Variants in USH2A observed in about 807,000 individuals in gnomAD.
USH2A encodes usherin, also known as Usher syndrome 2A (autosomal recessive, mild).
Under a neutral mutation model 538.9 loss-of-function variants are expected in USH2A, and 443 were observed. That is an observed-to-expected ratio of 0.82 (90% CI 0.76 to 0.89). The LOEUF (loss-of-function observed/expected upper bound fraction) is 0.89, where lower values mean the gene tolerates loss of function less well. USH2A is among the 40% of genes least tolerant of loss of function. USH2A has a pLI of 0.00. For synonymous variants in USH2A, 2,413 were observed against 2,273.5 expected (o/e 1.06, Z -1.75); for missense variants, 6,633 against 6,324.8 (o/e 1.05, Z -1.65).
At chr1:215,886,889 G>A (rs149304385) in intron 41 of USH2A, among the ~76,000 whole-genome samples, 1,868 of 151,730 alleles carry the variant, frequency 0.012, 16 homozygotes, top group Non-Finnish European at 0.021. Flanking sequence ...ATGGAGTCTC[G>A]CTCTGTCGCC....
chr1:216,287,883 T>C (rs991093283), intron 11 of USH2A, among the ~76,000 whole-genome samples: 3 of 152,180 alleles, frequency 2.0e-5, no homozygotes, highest in African/African-American at 7.2e-5. Flanking sequence ...AATCTAACTA[T>C]AAGATCAGTG....
chr1:215,965,923 T>TCTCA (rs1016685578), intron 36 of USH2A, among the ~76,000 whole-genome samples: 19 of 142,574 alleles, frequency 1.3e-4, no homozygotes, highest in Non-Finnish European at 2.3e-4. Context: ...CTCTTCTCTG[T>TCTCA]CACACACACA....
chr1:216,150,863 A>C (rs1006730563), intron 21 of USH2A, among the ~76,000 whole-genome samples: 3 of 152,110 alleles, frequency 2.0e-5, no homozygotes, highest in African/African-American at 4.8e-5. Context: ...TTTACTCTTC[A>C]TCTCCGAAGT....
intron 35 of USH2A, among the ~76,000 whole-genome samples, chr1:215,979,066 G>C (rs1667688279): frequency 6.6e-6 from 1 of 152,142 alleles, no homozygotes; most frequent in Admixed American, 6.5e-5. Context: ...AGTTCCACAT[G>C]GCTAGGGAGG....
At chr1:215,692,705 G>A (rs1414723834) in intron 61 of USH2A, among the ~76,000 whole-genome samples, 1 of 152,034 alleles carries the variant, frequency 6.6e-6, no homozygotes, top group Admixed American at 6.6e-5. Context: ...AAACTACCAG[G>A]CTATATCTAT....
chr1:215,780,004 A>T lies in USH2A; in HGVS notation c.10778T>A (p.Ile3593Asn), dbSNP rs1270442078. Residue 3593 changes from isoleucine (I) to asparagine (N), a missense_variant, in exon 55 of 72, where the codon ATC (isoleucine) becomes AAC (asparagine). Physicochemically the swap from Ile to Asn is moderately radical, Grantham distance 149. Transcript: ENST00000307340. ...TAGGGCTGTGATGCTTGGTGGCAGG[A>T]TGCTCTCCGGAACTCCTTGGGTAGT... ...AATTQGVPES[I>N]LPPSITALSA... is the part of the protein sequence containing the mutation. 6.2e-7 allele frequency: 1 copy of T among 1,614,060 alleles called. No individual in the cohort carries two copies. Among genetic ancestry groups the T allele is most frequent in the Non-Finnish European group, 8.5e-7 (1 of 1,180,010 alleles).
At chr1:216,324,035 T>A (rs2037674218) in intron 7 of USH2A, 133 bp downstream of exon 7, 6 of 979,452 alleles carry the variant, frequency 6.1e-6, no homozygotes, top group Non-Finnish European at 1.5e-6. Flanking sequence ...AATTTAGGGA[T>A]AAGACTTAGG....
chr1:215,712,808 G>A (rs1237329017), intron 61 of USH2A, among the ~76,000 whole-genome samples: 2 of 149,746 alleles, frequency 1.3e-5, no homozygotes, highest in African/African-American at 4.9e-5. Flanking sequence ...CTTTTCTTTT[G>A]TTCTTTCTTT....
intron 43 of USH2A, 52 bp from the exon 44 acceptor site, chr1:215,867,222 A>G (rs759795585): frequency 6.4e-7 from 1 of 1,570,880 alleles, no homozygotes; most frequent in Non-Finnish European, 8.7e-7. Context: ...TTTACAGAAA[A>G]TCTAACAAAT....
chr1:216,278,999 A>G (rs1327128110), intron 11 of USH2A, among the ~76,000 whole-genome samples: 2 of 152,186 alleles, frequency 1.3e-5, no homozygotes, highest in Non-Finnish European at 2.9e-5. Context: ...TCCATAGGTC[A>G]GACCTAGAAA....
At chr1:216,293,258 T>C (rs999868633) in intron 9 of USH2A, among the ~76,000 whole-genome samples, 5 of 152,158 alleles carry the variant, frequency 3.3e-5, no homozygotes, top group Admixed American at 6.5e-5. Flanking sequence ...TCTCCTGACC[T>C]CGTGTTCTGC....
At chr1:215,786,596 GAAAT>G in intron 52 of USH2A, 70 bp downstream of exon 52, 1 of 1,513,224 alleles carries the variant, frequency 6.6e-7, no homozygotes, top group South Asian at 1.1e-5. Flanking sequence ...ATGTCAGAGT[GAAAT>G]AAATCTGCAT....
intron 61 of USH2A, among the ~76,000 whole-genome samples, chr1:215,723,319 G>C (rs1227302948): frequency 6.6e-6 from 1 of 152,070 alleles, no homozygotes; most frequent in Non-Finnish European, 1.5e-5. Flanking sequence ...TGCTGTTCCT[G>C]CCAACACATA....
chr1:216,342,745 C>G (rs2038098604), intron 4 of USH2A, among the ~76,000 whole-genome samples: 3 of 152,064 alleles, frequency 2.0e-5, no homozygotes, highest in Admixed American at 2.0e-4. Context: ...AAACAGAAAA[C>G]CAAACACCAC....
chr1:216,179,533 T>G (rs2034452327), intron 20 of USH2A, among the ~76,000 whole-genome samples: 1 of 152,062 alleles, frequency 6.6e-6, no homozygotes, highest in Non-Finnish European at 1.5e-5. Context: ...CAAAAAACAT[T>G]CCAGTAGGTG....
At chr1:216,287,189 A>G (rs1265005282) in intron 11 of USH2A, among the ~76,000 whole-genome samples, 1 of 152,198 alleles carries the variant, frequency 6.6e-6, no homozygotes, top group East Asian at 1.9e-4. Flanking sequence ...CAAACTAAAG[A>G]AAAAAAGATC....
intron 55 of USH2A, among the ~76,000 whole-genome samples, chr1:215,769,745 T>G (rs1033713699): frequency 1.3e-5 from 2 of 152,150 alleles, no homozygotes; most frequent in Non-Finnish European, 2.9e-5. Context: ...GACTCAGCAC[T>G]GAGCAGAAAA....
chr1:216,309,623 C>T (rs1201071338), intron 9 of USH2A, among the ~76,000 whole-genome samples: 1 of 151,866 alleles, frequency 6.6e-6, no homozygotes, highest in African/African-American at 2.4e-5. Flanking sequence ...TGTCTTATTC[C>T]TGATCTTAGT....
At chr1:215,878,640 T>C (rs1571773428) in intron 42 of USH2A, 124 bp downstream of exon 42, 4 of 903,684 alleles carry the variant, frequency 4.4e-6, no homozygotes, top group South Asian at 1.5e-5. Flanking sequence ...AAGTTATGAG[T>C]CAGGGGATAT....
Sources: gnomAD v4.1 joint callset for allele counts (sites outside exome capture counted in the v4.1 genomes callset) on GRCh38, gnomAD v4.1.1 for gene constraint, MANE v1.5 for transcripts, NCBI Gene and HGNC (gene_info 2026-07-23, HGNC 2026-07-21) for gene names.